Variants in CEP70 observed in about 807,000 individuals in gnomAD.
CEP70 encodes centrosomal protein 70.
In CEP70, 70 loss-of-function variants were observed where a neutral mutation model predicts 90.9. The ratio of observed to expected loss-of-function variants is 0.77; its 90% CI spans 0.64 to 0.94. CEP70 has a LOEUF of 0.94. CEP70 is among the 40% of genes least tolerant of loss of function. The pLI is 0.00. For synonymous variants in CEP70, 220 were observed against 228.3 expected (o/e 0.96, Z 0.33); for missense variants, 648 against 669.0 (o/e 0.97, Z 0.35).
chr3:138,517,658 G>C (rs1442950652), intron 11 of CEP70, among the ~76,000 whole-genome samples: 2 of 152,218 alleles, frequency 1.3e-5, no homozygotes, highest in African/African-American at 2.4e-5. Flanking sequence ...GACAGAGCAA[G>C]ACTCCGTCTC....
At chr3:138,575,455 A>G (rs2041447529) in intron 2 of CEP70, among the ~76,000 whole-genome samples, 1 of 152,216 alleles carries the variant, frequency 6.6e-6, no homozygotes, top group Admixed American at 6.5e-5. Context: ...ACTATGTGAA[A>G]AGACCAAATC....
chr3:138,529,722 C>T (rs185314505), intron 8 of CEP70, among the ~76,000 whole-genome samples: 6 of 152,268 alleles, frequency 3.9e-5, no homozygotes, highest in African/African-American at 1.4e-4. Context: ...CACTGTATCT[C>T]ACTGCCTAGA....
chr3:138,534,457 T>C (rs1022129271), intron 7 of CEP70, among the ~76,000 whole-genome samples: 2 of 152,226 alleles, frequency 1.3e-5, no homozygotes, highest in African/African-American at 4.8e-5. Context: ...AATATTTTCC[T>C]TCATAAAAAA....
chr3:138,521,580 C>T (rs2036641577), intron 11 of CEP70, among the ~76,000 whole-genome samples: 1 of 150,798 alleles, frequency 6.6e-6, no homozygotes, highest in African/African-American at 2.4e-5. Flanking sequence ...GCCGCCCTGT[C>T]TGGGAGGTGA....
rs540932398 is a variant in CEP70, at chr3:138,526,229, C to T, written c.870-665G>A. ...AGGCTGGAGTGCAGTGGCACAAGTT[C>T]AGCTTACTGCAACCTCCACCTCCCA... is the stretch of plus-strand genomic sequence containing the variant. On this transcript the variant is annotated intron_variant, in intron 10 of 17. Transcript: ENST00000264982. Among the ~76,000 whole-genome samples, 11 of 152,204 alleles carry T rather than the reference C, an allele frequency of 7.2e-5. No individual in the cohort carries two copies. In the South Asian group the frequency reaches 2.3e-3, roughly 32 times the overall value.
intron 8 of CEP70, among the ~76,000 whole-genome samples, chr3:138,531,230 C>T (rs748813850): frequency 2.0e-5 from 3 of 152,142 alleles, no homozygotes; most frequent in Non-Finnish European, 2.9e-5. Context: ...CTCCAATGGC[C>T]TCAATCCTTT....
intron 6 of CEP70, among the ~76,000 whole-genome samples, chr3:138,541,718 G>T (rs559493710): frequency 6.2e-4 from 94 of 152,304 alleles, no homozygotes; most frequent in African/African-American, 2.1e-3. Flanking sequence ...AATACTAAAA[G>T]ACAAATCTAC....
At chr3:138,577,232 A>T (rs1274553333) in intron 2 of CEP70, among the ~76,000 whole-genome samples, 13 of 152,164 alleles carry the variant, frequency 8.5e-5, no homozygotes, top group Non-Finnish European at 5.9e-5. Context: ...CATTAGGAGA[A>T]GTACCTAATG....
chr3:138,499,564 T>C lies in CEP70; in HGVS notation c.1652+546A>G, dbSNP rs1184803056. 2.6e-5 allele frequency among the ~76,000 whole-genome samples: 4 copies of C among 152,184 alleles called. No individual in the cohort carries two copies. In the East Asian group the frequency reaches 7.7e-4, roughly 29 times the overall value. On this transcript the variant is annotated intron_variant, in intron 16 of 17. Coordinates refer to ENST00000264982, the MANE Select transcript of CEP70 (RefSeq NM_024491.4). ...CCTTCTTTATAGGCCTTACAATCTA[T>C]TTTTATCTTGAAAATATTTGGCATT...
intron 16 of CEP70, among the ~76,000 whole-genome samples, chr3:138,498,488 C>A (rs1287903173): frequency 1.3e-5 from 2 of 151,786 alleles, no homozygotes; most frequent in Non-Finnish European, 2.9e-5. Context: ...GTGCCTGCCA[C>A]TACGCCCGAC....
intron 1 of CEP70, among the ~76,000 whole-genome samples, chr3:138,593,243 G>A (rs558893546): frequency 4.8e-4 from 73 of 152,188 alleles, no homozygotes; most frequent in African/African-American, 1.5e-3. Flanking sequence ...ATATTTTTGA[G>A]ACAGAGTCTC....
chr3:138,576,856 T>C (rs956754105), intron 2 of CEP70, among the ~76,000 whole-genome samples: 1 of 152,116 alleles, frequency 6.6e-6, no homozygotes, highest in African/African-American at 2.4e-5. Context: ...ATGACTACTG[T>C]GTAAATAACA....
chr3:138,591,936 T>C lies in CEP70; in HGVS notation c.-88A>G. The C allele has an allele frequency of 9.0e-7, 1 of 1,110,558 alleles. No homozygotes were observed. The highest frequency in any genetic ancestry group is 1.6e-5 in the South Asian group (1 of 61,042). The allele number at this position is 1,110,558 out of a possible 1,614,324, so 68.8% of individuals were successfully genotyped here. The stretch of plus-strand genomic sequence containing the variant: ...TGAAATGATCACCCAACGAGTCTCA[T>C]GTCTGAAACTGGATCTTCATCTAGG... On this transcript the variant is annotated 5_prime_UTR_variant, in exon 2 of 18. An upstream start codon of the reference 5' UTR is lost. Coordinates refer to ENST00000264982, the MANE Select transcript of CEP70 (RefSeq NM_024491.4).
intron 6 of CEP70, among the ~76,000 whole-genome samples, chr3:138,551,154 G>A (rs925512681): frequency 7.2e-5 from 11 of 152,216 alleles, no homozygotes; most frequent in African/African-American, 2.7e-4. Flanking sequence ...AAACCTATAA[G>A]ATTAACAGCA....
intron 1 of CEP70, chr3:138,592,921 C>T (rs1020990380): frequency 6.6e-6 from 1 of 152,144 alleles, no homozygotes; most frequent in East Asian, 1.9e-4. Flanking sequence ...AATGCAAAAG[C>T]TCTATTCTAA....
intron 17 of CEP70, chr3:138,496,887 C>G: frequency 1.4e-5 from 14 of 985,492 alleles, no homozygotes; most frequent in Non-Finnish European, 1.7e-5. Flanking sequence ...TAGAAGCATT[C>G]TGAAATAAGT....
chr3:138,566,941 T>G (rs972231725), intron 6 of CEP70, among the ~76,000 whole-genome samples: 9 of 152,184 alleles, frequency 5.9e-5, no homozygotes, highest in African/African-American at 2.2e-4. Context: ...ACAAGAGCTT[T>G]CTTTGTAATA....
intron 11 of CEP70, among the ~76,000 whole-genome samples, chr3:138,517,721 T>C (rs1397743088): frequency 6.6e-6 from 1 of 152,094 alleles, no homozygotes; most frequent in African/African-American, 2.4e-5. Context: ...GATGGCCAAA[T>C]AGGAACAGCT....
chr3:138,551,753 A>C (rs938485024), intron 6 of CEP70, among the ~76,000 whole-genome samples: 5 of 135,626 alleles, frequency 3.7e-5, no homozygotes, highest in African/African-American at 8.8e-5. Flanking sequence ...TCTAAAAAAA[A>C]AAAAATAAAA....
Sources: allele counts gnomAD v4.1 joint callset (sites outside exome capture counted in the v4.1 genomes callset), GRCh38; gene constraint gnomAD v4.1.1; transcripts MANE v1.5; gene names NCBI Gene and HGNC (gene_info 2026-07-23, HGNC 2026-07-21).